Variants in SRPK2 observed in about 807,000 individuals in gnomAD.
SRPK2 encodes SFRS protein kinase 2.
Under a neutral mutation model 90.8 loss-of-function variants are expected in SRPK2, and 21 were observed. The observed-to-expected ratio is 0.23, with a 90% CI of 0.16 to 0.33. The LOEUF (loss-of-function observed/expected upper bound fraction) is 0.33. Ranked by LOEUF, SRPK2 falls within the 10% of genes least tolerant of loss-of-function variation. SRPK2 has a pLI of 1.00. For missense variants in SRPK2, 620 were observed against 869.0 expected, an observed-to-expected ratio of 0.71 and a Z score of 3.60; for synonymous variants, 288 against 311.1, an observed-to-expected ratio of 0.93 and a Z score of 0.78.
rs904288835 is a variant in SRPK2, at chr7:105,358,341, A to C, written c.71+30307T>G. ...ACATTTTGTATGTTATATGTATTAT[A>C]CACAATATTCCTACAATAAAACAAG... is the stretch of plus-strand genomic sequence containing the variant. On this transcript the variant is annotated intron_variant, in intron 2 of 15. Coordinates refer to ENST00000393651, the MANE Select transcript of SRPK2 (RefSeq NM_182692.3). Among the ~76,000 whole-genome samples the C allele has an allele frequency of 4.2e-3, 641 of 152,212 alleles. 3 individuals are homozygous for C. Among genetic ancestry groups the C allele is most frequent in the African/African-American group, 0.015 (612 of 41,534 alleles).
chr7:105,364,560 C>T (rs1818816996), intron 2 of SRPK2, among the ~76,000 whole-genome samples: 1 of 152,166 alleles, frequency 6.6e-6, no homozygotes, highest in Admixed American at 6.6e-5. Context: ...GCCATCATGC[C>T]TAGCTAATTT....
chr7:105,314,905 ATGCTTAGAAT>A (rs1458132173), intron 2 of SRPK2, among the ~76,000 whole-genome samples: 1 of 152,258 alleles, frequency 6.6e-6, no homozygotes, highest in Non-Finnish European at 1.5e-5. Context: ...AACAGGAAAT[ATGCTTAGAAT>A]ATATTCTTAA....
intron 2 of SRPK2, among the ~76,000 whole-genome samples, chr7:105,243,335 G>A (rs553222995): frequency 6.6e-6 from 1 of 152,230 alleles, no homozygotes; most frequent in Non-Finnish European, 1.5e-5. Flanking sequence ...TCTAAATCTA[G>A]ATGATGACAC....
At chr7:105,378,080 C>A (rs943926092) in intron 2 of SRPK2, among the ~76,000 whole-genome samples, 10 of 152,148 alleles carry the variant, frequency 6.6e-5, no homozygotes, top group Admixed American at 1.3e-4. Flanking sequence ...TTACCACACC[C>A]TGCACTCCAG....
At chr7:105,197,361 G>C (rs759949473) in intron 3 of SRPK2, among the ~76,000 whole-genome samples, 2 of 152,142 alleles carry the variant, frequency 1.3e-5, no homozygotes, top group Non-Finnish European at 2.9e-5. Flanking sequence ...TCACTCAAAT[G>C]TGTGTGACAG....
In SRPK2 at chr7:105,347,224, C is replaced by T. The variant is rs193215804; in HGVS notation, c.71+41424G>A. On this transcript the variant is annotated intron_variant, in intron 2 of 15. Transcript: ENST00000393651. Reference sequence around the variant, plus strand: ...GACTACAGACATGTGCCACCGCGCCCGGCTAATTATTTAATTTAGTAGAGA... The same window carrying T: ...GACTACAGACATGTGCCACCGCGCCTGGCTAATTATTTAATTTAGTAGAGA... 4.5e-3 allele frequency among the ~76,000 whole-genome samples: 682 copies of T among 151,920 alleles called. 3 individuals are homozygous for T. Among genetic ancestry groups the T allele is most frequent in the Non-Finnish European group, 6.8e-3 (464 of 67,952 alleles).
At chr7:105,136,757 A>G (rs1422928905) in intron 11 of SRPK2, among the ~76,000 whole-genome samples, 1 of 152,140 alleles carries the variant, frequency 6.6e-6, no homozygotes, top group East Asian at 1.9e-4. Flanking sequence ...TATCCCCTCT[A>G]TATGGAGGAG....
intron 11 of SRPK2, among the ~76,000 whole-genome samples, chr7:105,136,589 GTCAC>G (rs1802837629): frequency 6.6e-6 from 1 of 152,160 alleles, no homozygotes; most frequent in Non-Finnish European, 1.5e-5. Flanking sequence ...TGACACTGTG[GTCAC>G]TCATTCCACA....
chr7:105,231,551 T>G lies in SRPK2; in HGVS notation c.72-27766A>C, dbSNP rs185508185. On this transcript the variant is annotated intron_variant, in intron 2 of 15. Transcript: ENST00000393651. ...CCACCAACAGTGTATAAATGTTCCC[T>G]TTTCTCCGCAATCTCGCCAGCATCT... Among the ~76,000 whole-genome samples, 46 of 152,358 alleles carry G rather than the reference T, an allele frequency of 3.0e-4. 1 individual carries two copies. In the East Asian group the frequency reaches 7.7e-3, roughly 26 times the overall value.
At chr7:105,166,109 T>G (rs538555120) in intron 6 of SRPK2, among the ~76,000 whole-genome samples, 1 of 152,314 alleles carries the variant, frequency 6.6e-6, no homozygotes, top group South Asian at 2.1e-4. Context: ...CCTACACTTA[T>G]AGCTGACCAA....
chr7:105,192,669 G>A (rs1794448903), intron 3 of SRPK2, among the ~76,000 whole-genome samples: 1 of 152,188 alleles, frequency 6.6e-6, no homozygotes, highest in Non-Finnish European at 1.5e-5. Flanking sequence ...CACCAGCAGT[G>A]TAGAAGTGTT....
At chr7:105,186,751 G>A (rs1793629772) in intron 3 of SRPK2, among the ~76,000 whole-genome samples, 1 of 152,174 alleles carries the variant, frequency 6.6e-6, no homozygotes, top group South Asian at 2.1e-4. Flanking sequence ...GACTTTTGAG[G>A]CTAGGTCATA....
At chr7:105,287,068 C>T (rs951050958) in intron 2 of SRPK2, among the ~76,000 whole-genome samples, 40 of 150,702 alleles carry the variant, frequency 2.7e-4, no homozygotes, top group Admixed American at 2.5e-3. Context: ...GAGACCATCC[C>T]GGCTAAAACG....
At chr7:105,357,472 A>C (rs1817910706) in intron 2 of SRPK2, among the ~76,000 whole-genome samples, 1 of 152,170 alleles carries the variant, frequency 6.6e-6, no homozygotes. Context: ...AACAATAAAT[A>C]TCTCTTCACT....
intron 2 of SRPK2, among the ~76,000 whole-genome samples, chr7:105,329,900 C>T (rs955159081): frequency 1.3e-5 from 2 of 151,176 alleles, no homozygotes; most frequent in African/African-American, 2.4e-5. Flanking sequence ...CCGGGTGTGG[C>T]GGCACACACC....
intron 2 of SRPK2, among the ~76,000 whole-genome samples, chr7:105,229,436 C>T (rs1011988589): frequency 1.4e-4 from 21 of 151,880 alleles, no homozygotes; most frequent in Admixed American, 3.9e-4. Context: ...TGCACTCCAG[C>T]CTGGGCGACA....
chr7:105,136,238 C>T (rs1030797948), intron 11 of SRPK2, among the ~76,000 whole-genome samples: 1 of 152,164 alleles, frequency 6.6e-6, no homozygotes, highest in African/African-American at 2.4e-5. Flanking sequence ...TGTATAAAAA[C>T]ACAACAGGAG....
chr7:105,162,276 A>C (rs553553278), intron 6 of SRPK2, among the ~76,000 whole-genome samples: 15 of 152,110 alleles, frequency 9.9e-5, no homozygotes, highest in Admixed American at 9.8e-4. Context: ...TCCTAATCTC[A>C]AGTGATCCAC....
chr7:105,395,538 C>G (rs1368959169), intron 1 of SRPK2, among the ~76,000 whole-genome samples: 1 of 151,794 alleles, frequency 6.6e-6, no homozygotes, highest in Non-Finnish European at 1.5e-5. Context: ...CAGATCAGCC[C>G]GGACAACATG....
Sources: gnomAD v4.1 joint callset for allele counts (sites outside exome capture counted in the v4.1 genomes callset) on GRCh38, gnomAD v4.1.1 for gene constraint, MANE v1.5 for transcripts, NCBI Gene and HGNC (gene_info 2026-07-23, HGNC 2026-07-21) for gene names.